The following TPTE2 variants were observed in gnomAD, a reference collection of about 807,000 sequenced individuals.
TPTE2 encodes the protein phosphatidylinositol 3,4,5-trisphosphate 3-phosphatase TPTE2.
Under a neutral mutation model 78.6 loss-of-function variants are expected in TPTE2, and 53 were observed. That is an observed-to-expected ratio of 0.67 (90% CI 0.54 to 0.85). TPTE2 has a LOEUF of 0.85. Ranked by LOEUF, TPTE2 falls within the 40% of genes least tolerant of loss-of-function variation. TPTE2 has a pLI of 0.00. For missense variants in TPTE2, 461 were observed against 623.0 expected, an observed-to-expected ratio of 0.74 and a Z score of 2.77; for synonymous variants, 175 against 206.2, an observed-to-expected ratio of 0.85 and a Z score of 1.30.
At chr13:19,474,436 A>C (rs1566056156) in intron 5 of TPTE2, among the ~76,000 whole-genome samples, 2 of 152,246 alleles carry the variant, frequency 1.3e-5, no homozygotes, top group Non-Finnish European at 2.9e-5. Context: ...TCAGAATTTC[A>C]TAAGAAGTTT....
In TPTE2 at chr13:19,471,187, C is replaced by T. The variant is rs113055648; in HGVS notation, c.392+2727G>A. 1.3e-3 allele frequency among the ~76,000 whole-genome samples: 193 copies of T among 152,240 alleles called. 4 individuals are homozygous for T. Among genetic ancestry groups the T allele is most frequent in the African/African-American group, 4.4e-3 (183 of 41,556 alleles). ...CCTCCCAAACTGCTGGGATTACAGGCGTGAACCACCACACCTGGATGTGTC... is the reference window on the plus strand; with the variant it reads ...CCTCCCAAACTGCTGGGATTACAGGTGTGAACCACCACACCTGGATGTGTC... On this transcript the variant is annotated intron_variant, in intron 6 of 19. Coordinates refer to ENST00000400230, the Ensembl canonical transcript of TPTE2.
upstream of TPTE2, among the ~76,000 whole-genome samples, chr13:19,540,889 C>T (rs933570721): frequency 3.9e-5 from 6 of 152,068 alleles, no homozygotes; most frequent in Non-Finnish European, 8.8e-5. Context: ...TTCTTTCTTC[C>T]TTTATTAGCT....
chr13:19,438,286 G>T, intron 13 of TPTE2, 133 bp from the exon 17 acceptor site: 1 of 1,331,556 alleles, frequency 7.5e-7, no homozygotes, highest in East Asian at 3.0e-5. Flanking sequence ...ACGCAGGCTG[G>T]AGTGCAGTGG....
At chr13:19,442,515 G>A (rs1249264770) in intron 13 of TPTE2, among the ~76,000 whole-genome samples, 1 of 151,850 alleles carries the variant, frequency 6.6e-6, no homozygotes, top group Non-Finnish European at 1.5e-5. Context: ...AAGAAGTCAG[G>A]AAAAGAACAA....
chr13:19,555,288 G>C, the TPTE2 span, among the ~76,000 whole-genome samples: 1 of 152,132 alleles, frequency 6.6e-6, no homozygotes, highest in Non-Finnish European at 1.5e-5. Context: ...ATAACCAGTA[G>C]GGCCTATGAC....
At chr13:19,556,890 CA>C in the TPTE2 span, among the ~76,000 whole-genome samples, 10 of 143,334 alleles carry the variant, frequency 7.0e-5, no homozygotes, top group Admixed American at 1.5e-4. Context: ...TGAGTTTCTT[CA>C]TTGATTTTAC....
intron 3 of TPTE2, among the ~76,000 whole-genome samples, chr13:19,484,817 T>G (rs115328310): frequency 0.025 from 3,871 of 152,324 alleles, 129 homozygotes; most frequent in African/African-American, 0.075. Flanking sequence ...ACTTTTGGCT[T>G]CCATTTGCAT....
At chr13:19,493,194 AT>A (rs1329812701) in intron 2 of TPTE2, among the ~76,000 whole-genome samples, 2 of 138,702 alleles carry the variant, frequency 1.4e-5, no homozygotes, top group African/African-American at 5.3e-5. Flanking sequence ...AAAAAAAAAA[AT>A]CTCTATGGCC....
intron 1 of TPTE2, among the ~76,000 whole-genome samples, chr13:19,523,827 T>A (rs1324300852): frequency 6.6e-6 from 1 of 152,146 alleles, no homozygotes; most frequent in East Asian, 1.9e-4. Context: ...AAGTACAAAA[T>A]GATTACACAC....
At position 19,464,436 on chromosome 13, in the gene TPTE2, T is replaced by G. The variant is rs563616541; in HGVS notation, c.741+20A>C. The G allele has an allele frequency of 6.3e-7, 1 of 1,597,770 alleles. No homozygotes were observed. Among genetic ancestry groups the G allele is most frequent in the South Asian group, 1.1e-5 (1 of 90,166 alleles). Reference sequence around the variant, plus strand: ...CTACATTCACTGAGAAATGAGTATTTGTCAGATAAAGACCCTTACCTCAAT... The same window carrying G: ...CTACATTCACTGAGAAATGAGTATTGGTCAGATAAAGACCCTTACCTCAAT... On this transcript the variant is annotated intron_variant, in intron 10 of 19. Coordinates refer to ENST00000400230, the Ensembl canonical transcript of TPTE2.
chr13:19,511,123 A>G (rs1869406443), intron 1 of TPTE2, among the ~76,000 whole-genome samples: 1 of 152,198 alleles, frequency 6.6e-6, no homozygotes, highest in African/African-American at 2.4e-5. Context: ...ATTCCTACAG[A>G]ACTACTCAAA....
chr13:19,459,190 C>T (rs1480704310), intron 10 of TPTE2, among the ~76,000 whole-genome samples: 4 of 151,878 alleles, frequency 2.6e-5, no homozygotes, highest in Non-Finnish European at 1.5e-5. Flanking sequence ...GATTTTTTTT[C>T]ATATTTTTGT....
chr13:19,477,310 C>T (rs1880026083), intron 4 of TPTE2, among the ~76,000 whole-genome samples: 1 of 151,498 alleles, frequency 6.6e-6, no homozygotes, highest in African/African-American at 2.4e-5. Flanking sequence ...AAAAAAAAAC[C>T]TCCCTGACAC....
intron 4 of TPTE2, 124 bp from the exon 8 acceptor site, chr13:19,475,747 T>C (rs1879897577): frequency 1.1e-6 from 1 of 907,396 alleles, no homozygotes. Context: ...TATAACAAAA[T>C]GCTTTTTACT....
In TPTE2 at chr13:19,443,394, T is replaced by G. The variant is rs1877610596; in HGVS notation, c.974-5241A>C. On this transcript the variant is annotated intron_variant, in intron 13 of 19. Transcript: ENST00000400230. ...AAGGAATTTCTTTTTTCTTTCTTTC[T>G]TTCTTTTTTTTTTTTTTGTTTCATT... 5.6e-5 allele frequency among the ~76,000 whole-genome samples: 4 copies of G among 70,860 alleles called. No individual in the cohort carries two copies. In the Admixed American group the frequency reaches 6.7e-4, roughly 12 times the overall value. The allele number at this position is 70,860 out of a possible 152,430, so 46.5% of individuals were successfully genotyped here. A position where few individuals can be genotyped will look rare whatever the true frequency, so the allele number is the denominator to read the frequency against.
chr13:19,546,098 G>A, the TPTE2 span, among the ~76,000 whole-genome samples: 1 of 152,120 alleles, frequency 6.6e-6, no homozygotes, highest in Non-Finnish European at 1.5e-5. Flanking sequence ...GAGGCTGGGG[G>A]CAGGAGGATC....
chr13:19,444,852 A>G (rs1593358423), intron 13 of TPTE2, among the ~76,000 whole-genome samples: 1 of 152,250 alleles, frequency 6.6e-6, no homozygotes, highest in African/African-American at 2.4e-5. Context: ...GGTCAGAAAC[A>G]GATTCATGTT....
At chr13:19,485,039 T>C (rs1276870195) in intron 3 of TPTE2, among the ~76,000 whole-genome samples, 2 of 152,172 alleles carry the variant, frequency 1.3e-5, no homozygotes, top group Admixed American at 6.5e-5. Flanking sequence ...GGTTGTTTTG[T>C]ATATGTTTTA....
rs186905109 is a variant in TPTE2 at position 19,470,789 on chromosome 13, G to A, written c.392+3125C>T. On this transcript the variant is annotated intron_variant, in intron 6 of 19. Transcript: ENST00000400230. ...AAACCACCCGCCTCTGCCTCCCAAA[G>A]TGCTGGGATTATAGAAGTGAGCCAC... is the stretch of plus-strand genomic sequence containing the variant. Among the ~76,000 whole-genome samples, 1,321 of 152,168 alleles carry A rather than the reference G, an allele frequency of 8.7e-3. 27 individuals carry two copies. The highest frequency in any genetic ancestry group is 0.03 in the African/African-American group (1,254 of 41,496).
Sources: allele counts gnomAD v4.1 joint callset (sites outside exome capture counted in the v4.1 genomes callset), GRCh38; gene constraint gnomAD v4.1.1; transcripts MANE v1.5; gene names NCBI Gene and HGNC (gene_info 2026-07-23, HGNC 2026-07-21).